The following ENPEP variants were observed in gnomAD, a reference collection of about 807,000 sequenced individuals.
The protein encoded by ENPEP is glutamyl aminopeptidase.
In ENPEP, 103 loss-of-function variants were observed where a neutral mutation model predicts 114.5. That is an observed-to-expected ratio of 0.90 (90% confidence interval 0.77 to 1.06). The LOEUF (loss-of-function observed/expected upper bound fraction) is 1.06. Ranked by LOEUF, ENPEP falls within the 50% of genes least tolerant of loss-of-function variation. ENPEP has a pLI of 0.00. For missense variants in ENPEP, 1,196 were observed against 1,161.3 expected (o/e 1.03, Z -0.43); for synonymous variants, 420 against 422.0 (o/e 1.00, Z 0.06).
chr4:110,510,163 C>A, intron 5 of ENPEP, 82 bp from the exon 6 acceptor site: 1 of 1,166,092 alleles, frequency 8.6e-7, no homozygotes, highest in Non-Finnish European at 1.3e-6. Context: ...TTGGCACGGA[C>A]AAATAAATGT....
At chr4:110,538,466 G>A (rs1214447662) in intron 11 of ENPEP, among the ~76,000 whole-genome samples, 2 of 152,168 alleles carry the variant, frequency 1.3e-5, no homozygotes, top group African/African-American at 4.8e-5. Context: ...AAGAGAGTTA[G>A]GGTCCTTCTC....
At chr4:110,553,201 G>T (rs1251273085) in intron 17 of ENPEP, 114 bp from the exon 18 acceptor site, 2 of 934,272 alleles carry the variant, frequency 2.1e-6, no homozygotes, top group Non-Finnish European at 3.1e-6. Flanking sequence ...AACTTTGTCA[G>T]TTGATACCTC....
intron 8 of ENPEP, chr4:110,519,257 A>C (rs1267437032): frequency 5.2e-5 from 17 of 328,362 alleles, no homozygotes; most frequent in Middle Eastern, 4.5e-4. Context: ...CCTACTGAAA[A>C]TTATAGCAAC....
chr4:110,521,021 G>A (rs1474158564), intron 10 of ENPEP, among the ~76,000 whole-genome samples: 2 of 152,148 alleles, frequency 1.3e-5, no homozygotes, highest in African/African-American at 4.8e-5. Context: ...TTTCCATTTG[G>A]TTGAGACTCT....
At chr4:110,545,581 T>G (rs2110390077) in intron 13 of ENPEP, among the ~76,000 whole-genome samples, 1 of 152,124 alleles carries the variant, frequency 6.6e-6, no homozygotes, top group South Asian at 2.1e-4. Context: ...TCTCCAAAGT[T>G]AAGGCAAAGA....
chr4:110,541,406 C>T (rs1726840594), intron 11 of ENPEP, among the ~76,000 whole-genome samples: 1 of 152,120 alleles, frequency 6.6e-6, no homozygotes, highest in Admixed American at 6.6e-5. Context: ...TGACTGTCCA[C>T]ATCAAGTCAG....
chr4:110,487,327 G>GA (rs1488974783), intron 1 of ENPEP, among the ~76,000 whole-genome samples: 3 of 152,186 alleles, frequency 2.0e-5, no homozygotes, highest in African/African-American at 7.2e-5. Flanking sequence ...ACCATAAACT[G>GA]AATTCCTTCC....
chr4:110,490,079 A>G (rs1176369165), intron 2 of ENPEP, among the ~76,000 whole-genome samples: 1 of 152,208 alleles, frequency 6.6e-6, no homozygotes. Flanking sequence ...GTGGGGGGAA[A>G]AAATGGCAAA....
In ENPEP at chr4:110,520,274, T is replaced by A. The variant is rs759400179; in HGVS notation, c.1635T>A (p.Pro545=). ...MDTWTRQMGY[P]VLNVNGVKNI... ...CCTGGACCAGACAGATGGGTTATCCTGTGCTTAACGTGAACGGTGTCAAGA... is the reference window on the plus strand; with the variant it reads ...CCTGGACCAGACAGATGGGTTATCCAGTGCTTAACGTGAACGGTGTCAAGA... Residue 545 remains proline (P), a synonymous_variant, in exon 10 of 20, where the codon CCT becomes CCA. Transcript: ENST00000265162. 6.2e-7 allele frequency: 1 copy of A among 1,614,090 alleles called. No individual in the cohort carries two copies. The highest frequency in any genetic ancestry group is 8.5e-7 in the Non-Finnish European group (1 of 1,179,918).
rs1268731810 is a variant in ENPEP at position 110,510,305 on chromosome 4, G to A, written c.1255G>A (p.Ala419Thr). Reference protein sequence around the residue: ...WEDLWLNEGFASFFEFLGVNH... With the variant: ...WEDLWLNEGFTSFFEFLGVNH... ...AGACTTGTGGCTAAATGAAGGATTTGCTTCTTTCTTTGAGTTTCTGGGAGT... is the reference window on the plus strand; with the variant it reads ...AGACTTGTGGCTAAATGAAGGATTTACTTCTTTCTTTGAGTTTCTGGGAGT... Residue 419 changes from alanine (A) to threonine (T), a missense_variant, in exon 6 of 20, where the codon GCT becomes ACT. Ala to Thr is a moderately conservative substitution (Grantham distance 58). Transcript: ENST00000265162. The A allele has an allele frequency of 1.2e-6, 2 of 1,614,148 alleles. No individual in the cohort carries two copies. Among genetic ancestry groups the A allele is most frequent in the South Asian group, 2.2e-5 (2 of 91,082 alleles).
chr4:110,491,039 G>C lies in ENPEP; in HGVS notation c.793G>C (p.Glu265Gln), dbSNP rs1724688735. 1 of 1,605,280 alleles carries C rather than the reference G, an allele frequency of 6.2e-7. No homozygotes were observed. Among genetic ancestry groups the C allele is most frequent in the Non-Finnish European group, 8.5e-7 (1 of 1,178,002 alleles). Reference sequence around the variant, plus strand: ...TATCTTTTCTTTTCAATAGAAAGAAGAGTCAGTGGATGATAAATGGACTCG... The same window carrying C: ...TATCTTTTCTTTTCAATAGAAAGAACAGTCAGTGGATGATAAATGGACTCG... ...ALSNMPVAKE[E>Q]SVDDKWTRTT... is the part of the protein sequence containing the mutation. The change falls in exon 3 of 20, where the codon GAG (glutamate) becomes CAG (glutamine). Residue 265 changes from glutamate to glutamine, a missense_variant. Physicochemically the swap from Glu to Gln is conservative, Grantham distance 29. Coordinates refer to ENST00000265162, the MANE Select transcript of ENPEP (RefSeq NM_001977.4).
chr4:110,546,321 C>T (rs1268372321), intron 13 of ENPEP, among the ~76,000 whole-genome samples: 5 of 151,726 alleles, frequency 3.3e-5, no homozygotes, highest in Non-Finnish European at 7.4e-5. Context: ...CCCCCCACCC[C>T]GCCCCCTGCT....
At chr4:110,510,770 A>G (rs1168766583) in intron 6 of ENPEP, among the ~76,000 whole-genome samples, 8 of 152,240 alleles carry the variant, frequency 5.3e-5, no homozygotes, top group African/African-American at 1.9e-4. Flanking sequence ...AGATAACATA[A>G]ATTTAGTAGT....
intron 4 of ENPEP, among the ~76,000 whole-genome samples, chr4:110,506,959 C>G (rs914941611): frequency 1.3e-5 from 2 of 152,110 alleles, no homozygotes; most frequent in East Asian, 3.9e-4. Flanking sequence ...TCAACCATGC[C>G]CAGCCTGTAC....
chr4:110,479,361 A>T (rs1211415429), intron 1 of ENPEP, among the ~76,000 whole-genome samples: 1 of 152,198 alleles, frequency 6.6e-6, no homozygotes, highest in East Asian at 1.9e-4. Context: ...ATCTAGAAGA[A>T]GGCGCATCCT....
In ENPEP at chr4:110,549,763, A is replaced by G. The variant is rs766709618; in HGVS notation, c.2378A>G (p.Asn793Ser). Residue 793 changes from asparagine (N) to serine (S), a missense_variant, in exon 17 of 20, where the codon AAC (asparagine) becomes AGC (serine). Transcript: ENST00000265162. Reference sequence around the variant, plus strand: ...CTGGTGTATCGGTATGGGATGCAGAACTCTGGCAATGAGATTTCATGGAAC... The same window carrying G: ...CTGGTGTATCGGTATGGGATGCAGAGCTCTGGCAATGAGATTTCATGGAAC... ...RLLVYRYGMQNSGNEISWNYT... is the reference protein window; with the variant it reads ...RLLVYRYGMQSSGNEISWNYT... The G allele has an allele frequency of 6.2e-7, 1 of 1,613,402 alleles. No homozygotes were observed.
intron 10 of ENPEP, among the ~76,000 whole-genome samples, chr4:110,530,552 C>T (rs1726371523): frequency 6.6e-6 from 1 of 152,118 alleles, no homozygotes; most frequent in Non-Finnish European, 1.5e-5. Flanking sequence ...TATCAAAATA[C>T]AAAGTTAACT....
At chr4:110,551,014 G>A (rs1459939378) in intron 17 of ENPEP, among the ~76,000 whole-genome samples, 2 of 151,472 alleles carry the variant, frequency 1.3e-5, no homozygotes, top group Admixed American at 1.3e-4. Context: ...AGCACTTTGG[G>A]AGGCCGAGGC....
chr4:110,476,887 G>A lies in ENPEP; in HGVS notation c.473G>A (p.Arg158Gln), dbSNP rs1489093019. The change falls in exon 1 of 20, where the codon CGG (arginine) becomes CAG (glutamine). Residue 158 changes from arginine (R) to glutamine (Q), a missense_variant. Transcript: ENST00000265162. ...KRPSGDQVQVRRCFEYKKQEY... is the reference protein window; with the variant it reads ...KRPSGDQVQVQRCFEYKKQEY... ...CCCTCTGGGGACCAGGTGCAAGTCC[G>A]GAGGTGTTTCGAGTACAAAAAGCAG... is the stretch of plus-strand genomic sequence containing the variant. 2 of 1,614,016 alleles carry A rather than the reference G, an allele frequency of 1.2e-6. No individual in the cohort carries two copies. Among genetic ancestry groups the A allele is most frequent in the Admixed American group, 1.7e-5 (1 of 60,008 alleles).
Sources: allele counts gnomAD v4.1 joint callset (sites outside exome capture counted in the v4.1 genomes callset), GRCh38; gene constraint gnomAD v4.1.1; transcripts MANE v1.5; gene names NCBI Gene and HGNC (gene_info 2026-07-23, HGNC 2026-07-21).